The following IL17RE variants were observed in gnomAD, a reference collection of about 807,000 sequenced individuals.
IL17RE encodes interleukin-17 receptor E.
IL17RE carries 47 observed loss-of-function variants against 70.7 expected under a neutral mutation model. The ratio of observed to expected loss-of-function variants is 0.67; its 90% CI spans 0.53 to 0.85. IL17RE has a LOEUF of 0.85. Among genes scored for constraint, IL17RE ranks in the 40% least tolerant of loss-of-function variants. The pLI is 0.00. For missense variants in IL17RE, 850 were observed against 893.9 expected, an observed-to-expected ratio of 0.95 and a Z score of 0.63; for synonymous variants, 372 against 381.2, an observed-to-expected ratio of 0.98 and a Z score of 0.28.
In IL17RE at chr3:9,906,796, A is replaced by G. The variant is rs148396419; in HGVS notation, c.457A>G (p.Lys153Glu). 1,309 of 1,614,152 alleles carry G rather than the reference A, an allele frequency of 8.1e-4. 1 individual carries two copies. The highest frequency in any genetic ancestry group is 1.0e-3 in the Non-Finnish European group (1,237 of 1,180,024). The change falls in exon 5 of 16, where the codon AAA becomes GAA. Residue 153 changes from lysine to glutamate, a missense_variant. Transcript: ENST00000383814. ...CATCTCCCACAAGGGACTTCGCTCT[A>G]AAAGGACCCAACCTTCGGATCCAGA... ...PDISHKGLRS[K>E]RTQPSDPETW...
In IL17RE at chr3:9,906,993, G is replaced by A; in HGVS notation, c.559G>A (p.Ala187Thr). 6.2e-7 allele frequency: 1 copy of A among 1,614,156 alleles called. No homozygotes were observed. The highest frequency in any genetic ancestry group is 8.5e-7 in the Non-Finnish European group (1 of 1,180,038). The change falls in exon 6 of 16, where the codon GCC becomes ACC. Residue 187 changes from alanine to threonine, a missense_variant. Coordinates refer to ENST00000383814, the MANE Select transcript of IL17RE (RefSeq NM_153480.2). The stretch of plus-strand genomic sequence containing the variant: ...GTTCTCCTTTGATTTGCTGCCTGAG[G>A]CCCGGGCTATTCGGGTGACCATATC... Reference protein sequence around the residue: ...PEFSFDLLPEARAIRVTISSG... With the variant: ...PEFSFDLLPETRAIRVTISSG...
rs377595872 is a variant in IL17RE at position 9,911,051 on chromosome 3, G to A, written c.978+11G>A. 655 of 1,613,996 alleles carry A rather than the reference G, an allele frequency of 4.1e-4. No homozygotes were observed. The highest frequency in any genetic ancestry group is 5.3e-4 in the Non-Finnish European group (631 of 1,180,004). On this transcript the variant is annotated intron_variant, in intron 9 of 15. Coordinates refer to ENST00000383814, the MANE Select transcript of IL17RE (RefSeq NM_153480.2). ...CGAGAGTCAGATGGGGTGAGGACAGGTTCCCCCAGGACCAGGGTGGGCAGG... is the reference window on the plus strand; with the variant it reads ...CGAGAGTCAGATGGGGTGAGGACAGATTCCCCCAGGACCAGGGTGGGCAGG...
In IL17RE at chr3:9,911,134, T is replaced by C. The variant is rs370860056; in HGVS notation, c.986T>C (p.Val329Ala). 206 of 1,614,010 alleles carry C rather than the reference T, an allele frequency of 1.3e-4. No homozygotes were observed. The highest frequency in any genetic ancestry group is 1.5e-4 in the Non-Finnish European group (181 of 1,180,014). The change falls in exon 10 of 16, where the codon GTT becomes GCT. Residue 329 changes from valine to alanine, a missense_variant. Coordinates refer to ENST00000383814, the MANE Select transcript of IL17RE (RefSeq NM_153480.2). ...ATARESDGWYVLEKVDLHPQL... is the reference protein window; with the variant it reads ...ATARESDGWYALEKVDLHPQL... ...TCTCCTCTCCTCCCACAGTGGTATG[T>C]TTTGGAGAAGGTGGACCTGCACCCC...
chr3:9,906,376 G>T lies in IL17RE; in HGVS notation c.281G>T (p.Gly94Val), dbSNP rs759900690. 1.2e-6 allele frequency: 2 copies of T among 1,613,364 alleles called. No individual in the cohort carries two copies. The highest frequency in any genetic ancestry group is 2.2e-5 in the South Asian group (2 of 91,006). ...CTCCCCTGCACAGGTCTTCAACGGGGCCTCTTCCACCTCCTGGTGCAGAAA... is the reference window on the plus strand; with the variant it reads ...CTCCCCTGCACAGGTCTTCAACGGGTCCTCTTCCACCTCCTGGTGCAGAAA... ...LLSGGSGLQR[G>V]LFHLLVQKSK... Residue 94 changes from glycine to valine, a missense_variant, in exon 4 of 16, where the codon GGC (glycine) becomes GTC (valine). By Grantham distance (109) the Gly-to-Val change is moderately radical. Transcript: ENST00000383814.
At chr3:9,908,879 GA>G (rs2082821608) in intron 7 of IL17RE, among the ~76,000 whole-genome samples, 1 of 152,176 alleles carries the variant, frequency 6.6e-6, no homozygotes, top group African/African-American at 2.4e-5. Context: ...CCAGAGTCAG[GA>G]GCCAACACAG....
chr3:9,907,228 T>C, intron 6 of IL17RE, 128 bp downstream of exon 6: 2 of 1,220,590 alleles, frequency 1.6e-6, no homozygotes, highest in Non-Finnish European at 1.2e-6. Context: ...CCTTACAAGC[T>C]GAAGGGTCTA....
At chr3:9,912,709 T>C (rs1430459574) in intron 12 of IL17RE, among the ~76,000 whole-genome samples, 1 of 152,172 alleles carries the variant, frequency 6.6e-6, no homozygotes, top group East Asian at 1.9e-4. Flanking sequence ...CAACACAGTA[T>C]GAAAGACCAA....
intron 3 of IL17RE, among the ~76,000 whole-genome samples, chr3:9,904,463 A>G (rs1237196275): frequency 1.3e-5 from 2 of 152,188 alleles, no homozygotes; most frequent in African/African-American, 4.8e-5. Context: ...CCTGGTACAT[A>G]CTAAATGCCC....
Position 9,908,236 on chromosome 3 carries a change from C to T in IL17RE, c.667-3C>T, listed in dbSNP as rs1248111631. 2.5e-6 allele frequency: 4 copies of T among 1,613,748 alleles called. No individual in the cohort carries two copies. In the African/African-American group the frequency reaches 5.3e-5, roughly 22 times the overall value. ...TTGTCTTCCTTTGCTGTTTCATCCA[C>T]AGAAAATTGTGTCTGGGGGCCACAC... On this transcript the variant is annotated splice_polypyrimidine_tract_variant and splice_region_variant and intron_variant, in intron 6 of 15. Coordinates refer to ENST00000383814, the MANE Select transcript of IL17RE (RefSeq NM_153480.2).
intron 13 of IL17RE, chr3:9,914,264 C>A: frequency 1.4e-6 from 1 of 732,662 alleles, no homozygotes; most frequent in Admixed American, 2.9e-5. Context: ...TGGCCTGGAG[C>A]TCAGTGCCAT....
chr3:9,906,258 A>G, intron 3 of IL17RE, 106 bp from the exon 4 acceptor site: 2 of 486,576 alleles, frequency 4.1e-6, no homozygotes, highest in Non-Finnish European at 3.5e-6. Flanking sequence ...ATCAAAATAA[A>G]TAAATAAATA....
chr3:9,914,474 G>A lies in IL17RE; in HGVS notation c.1297-74G>A, dbSNP rs774580340. On this transcript the variant is annotated intron_variant, in intron 13 of 15. Coordinates refer to ENST00000383814, the MANE Select transcript of IL17RE (RefSeq NM_153480.2). ...CCAGTGGGGACTCCCCTCTCCCCCAGCTCCATGCTTCACTCAGCTCCCCGG... is the reference window on the plus strand; with the variant it reads ...CCAGTGGGGACTCCCCTCTCCCCCAACTCCATGCTTCACTCAGCTCCCCGG... 1.9e-6 allele frequency: 3 copies of A among 1,596,758 alleles called. No homozygotes were observed. In the South Asian group the frequency reaches 3.4e-5, roughly 18 times the overall value.
chr3:9,914,841 C>T, intron 15 of IL17RE, 64 bp downstream of exon 15: 8 of 1,334,002 alleles, frequency 6.0e-6, no homozygotes, highest in Non-Finnish European at 8.5e-6. Context: ...GCTGCCCCCT[C>T]ACCCTCCCCT....
chr3:9,909,218 C>T lies in IL17RE; in HGVS notation c.737C>T (p.Ala246Val). Residue 246 changes from alanine (A) to valine (V), a missense_variant and splice_region_variant, in exon 8 of 16, where the codon GCA becomes GTA. By Grantham distance (64) the Ala-to-Val change is moderately conservative. Coordinates refer to ENST00000383814, the MANE Select transcript of IL17RE (RefSeq NM_153480.2). ...EFLLPCLCIE[A>V]SYLQEDTVRR... ...CCCCACCTGCTCCCGTCTCTCCAGG[C>T]ATCCTACCTGCAAGAGGACACTGTG... is the stretch of plus-strand genomic sequence containing the variant. 6.2e-7 allele frequency: 1 copy of T among 1,613,566 alleles called. No individual in the cohort carries two copies. The highest frequency in any genetic ancestry group is 8.5e-7 in the Non-Finnish European group (1 of 1,179,696).
intron 12 of IL17RE, among the ~76,000 whole-genome samples, chr3:9,912,964 A>G (rs898000604): frequency 1.3e-5 from 2 of 152,046 alleles, no homozygotes; most frequent in African/African-American, 2.4e-5. Flanking sequence ...AGTATATAAC[A>G]CAGTTAAGGA....
At position 9,915,941 on chromosome 3, in the gene IL17RE, G is replaced by A; in HGVS notation, c.*134G>A. 3.0e-6 allele frequency: 4 copies of A among 1,316,148 alleles called. No individual in the cohort carries two copies. Among genetic ancestry groups the A allele is most frequent in the Non-Finnish European group, 2.9e-6 (3 of 1,032,728 alleles). 81.5% of individuals were successfully genotyped at this position (1,316,148 alleles called of 1,614,324 possible). ...GACTGGCCGAAAAGCCGCATTCCCT[G>A]CCTCACAGGCCGGAAGTCCCAGCCC... On this transcript the variant is annotated 3_prime_UTR_variant, in exon 16 of 16. Coordinates refer to ENST00000383814, the MANE Select transcript of IL17RE (RefSeq NM_153480.2). The surrounding 1 kb of genome is among the most constrained non-coding windows in gnomAD (Gnocchi z 4.9).
intron 3 of IL17RE, among the ~76,000 whole-genome samples, chr3:9,905,944 T>G (rs1220471193): frequency 2.0e-5 from 3 of 152,120 alleles, no homozygotes; most frequent in African/African-American, 4.8e-5. Context: ...CTTGACATCC[T>G]TACCCTCCTT....
Position 9,915,294 on chromosome 3 carries a change from C to G in IL17RE, c.1491C>G (p.Asp497Glu). Residue 497 changes from aspartate to glutamate, a missense_variant, in exon 16 of 16, where the codon GAC becomes GAG. Transcript: ENST00000383814. The surrounding 1 kb of genome is among the most constrained non-coding windows in gnomAD (Gnocchi z 4.9). ...ARPVLLLHAA[D>E]SEAQRRLVGA... ...CAGTGCTCCTCCTGCACGCGGCGGA[C>G]TCGGAGGCGCAGCGGCGCCTGGTGG... 1.4e-6 allele frequency: 2 copies of G among 1,401,436 alleles called. No homozygotes were observed. The highest frequency in any genetic ancestry group is 1.8e-6 in the Non-Finnish European group (2 of 1,085,458). The allele number at this position is 1,401,436 out of a possible 1,614,324, so 86.8% of individuals were successfully genotyped here.
rs201034782 is a variant in IL17RE, at chr3:9,904,059, C to T, written c.176C>T (p.Thr59Ile). 5.6e-6 allele frequency: 9 copies of T among 1,614,188 alleles called. No homozygotes were observed. The African/African-American group carries it at 6.7e-5, about 12-fold the overall frequency. Residue 59 changes from threonine to isoleucine, a missense_variant, in exon 3 of 16, where the codon ACC becomes ATC. Physicochemically the swap from Thr to Ile is moderately conservative, Grantham distance 89 (BLOSUM62 -1). Coordinates refer to ENST00000383814, the MANE Select transcript of IL17RE (RefSeq NM_153480.2). ...AGTTCTGCCTATATCCCTTGCCGCACCTGGTGGGCCCTCTTCTCCACAAAG... is the reference window on the plus strand; with the variant it reads ...AGTTCTGCCTATATCCCTTGCCGCATCTGGTGGGCCCTCTTCTCCACAAAG... ...TGSSAYIPCR[T>I]WWALFSTKPW...
Sources: allele counts gnomAD v4.1 joint callset (sites outside exome capture counted in the v4.1 genomes callset), GRCh38; gene constraint gnomAD v4.1.1; non-coding constraint Gnocchi (gnomAD v3.1); transcripts MANE v1.5; gene names NCBI Gene and HGNC (gene_info 2026-07-23, HGNC 2026-07-21).